KCNC4: variants seen among roughly 807,000 people sequenced by gnomAD.
KCNC4 encodes the protein potassium voltage-gated channel subfamily C member 4, also known as voltage-gated potassium channel KCNC4.
In KCNC4, 23 loss-of-function variants were observed where a neutral mutation model predicts 42.8. The observed-to-expected ratio is 0.54, with a 90% confidence interval of 0.39 to 0.76. The LOEUF (loss-of-function observed/expected upper bound fraction) is 0.76. KCNC4 is among the 30% of genes least tolerant of loss of function. The pLI is 0.00. For synonymous variants in KCNC4, 422 were observed against 393.5 expected (o/e 1.07, Z -0.86); for missense variants, 751 against 898.2 (o/e 0.84, Z 2.10).
At chr1:110,274,200 T>G (rs3904625) in intron 1 of KCNC4, among the ~76,000 whole-genome samples, 82,834 of 151,844 alleles carry the variant, frequency 0.55, 22,918 homozygotes, top group Admixed American at 0.62. Flanking sequence ...CCAATAAAAC[T>G]CAAGCTGAGA....
Position 110,211,399 on chromosome 1 carries a change from T to TCCTCTTCGTCTCCTCCCC in KCNC4, c.-99_-82dup. 6.8e-7 allele frequency: 1 copy of TCCTCTTCGTCTCCTCCCC among 1,467,412 alleles called. No individual in the cohort carries two copies. Among genetic ancestry groups the TCCTCTTCGTCTCCTCCCC allele is most frequent in the Non-Finnish European group, 9.1e-7 (1 of 1,100,718 alleles). 90.9% of individuals were successfully genotyped at this position (1,467,412 alleles called of 1,614,324 possible). ...GAGGGGGCCGCCACCGCCTCCTGCC[T>TCCTCTTCGTCTCCTCCCC]CCTCTTCGTCTCCTCCCCCTCCCCC... On this transcript the variant is annotated 5_prime_UTR_variant, in exon 1 of 4. Coordinates refer to ENST00000438661, the MANE Select transcript of KCNC4 (RefSeq NM_001039574.3). The surrounding 1 kb of genome is among the most constrained non-coding windows in gnomAD (Gnocchi z 6.5).
At chr1:110,225,109 C>T (rs1375899558) in intron 2 of KCNC4, 1 of 152,250 alleles carries the variant, frequency 6.6e-6, no homozygotes, top group African/African-American at 2.4e-5. Context: ...TTCAGCTGCA[C>T]TCTGAGGCCC....
chr1:110,230,455 G>A (rs1658635218), intron 3 of KCNC4, among the ~76,000 whole-genome samples: 1 of 152,196 alleles, frequency 6.6e-6, no homozygotes, highest in Admixed American at 6.5e-5. Flanking sequence ...TCACAGGGAT[G>A]CCACCACTGT....
chr1:110,216,413 G>T (rs1226721600), intron 1 of KCNC4, among the ~76,000 whole-genome samples: 3 of 152,196 alleles, frequency 2.0e-5, no homozygotes, highest in Non-Finnish European at 4.4e-5. Context: ...AAGGCTGCAG[G>T]ACTCCCTGCA....
At chr1:110,226,229 C>A in intron 3 of KCNC4, 51 bp downstream of exon 3, 1 of 1,544,540 alleles carries the variant, frequency 6.5e-7, no homozygotes, top group Non-Finnish European at 8.9e-7. Context: ...AGCTGAGTCT[C>A]CCGAGTCCCC....
At chr1:110,221,770 G>A (rs1475801928) in intron 1 of KCNC4, 1 of 152,194 alleles carries the variant, frequency 6.6e-6, no homozygotes, top group African/African-American at 2.4e-5. Flanking sequence ...TTTAGGCTCA[G>A]CCGTCTGGTC....
intron 1 of KCNC4, among the ~76,000 whole-genome samples, chr1:110,279,039 C>T (rs1474586414): frequency 6.6e-6 from 1 of 152,182 alleles, no homozygotes; most frequent in Non-Finnish European, 1.5e-5. Context: ...CATCACTCCA[C>T]CCACCAGGCT....
At chr1:110,235,490 T>C (rs1192008988), downstream of KCNC4, 1 of 152,172 alleles carries the variant, frequency 6.6e-6, no homozygotes, top group African/African-American at 2.4e-5. Context: ...TGTGGAACCA[T>C]TTCATGGTCA....
chr1:110,224,726 T>A (rs2784146), intron 2 of KCNC4: 60,992 of 152,088 alleles, frequency 0.4, 12,493 homozygotes, highest in Non-Finnish European at 0.44. Context: ...AATGGAAAAC[T>A]GCTTAATCCC....
At position 110,233,229 on chromosome 1, in the gene KCNC4, G is replaced by T; in HGVS notation, c.*257G>T. On this transcript the variant is annotated 3_prime_UTR_variant, in exon 4 of 4. Transcript: ENST00000438661. ...TACATATTATACTCTTGTGTGTAGT[G>T]CACGTGCTATTGGTGGTTTGTCTTC... is the stretch of plus-strand genomic sequence containing the variant. 1.7e-6 allele frequency: 1 copy of T among 579,412 alleles called. No individual in the cohort carries two copies. Among genetic ancestry groups the T allele is most frequent in the Non-Finnish European group, 3.1e-6 (1 of 326,954 alleles). The allele number at this position is 579,412 out of a possible 1,614,324, so 35.9% of individuals were successfully genotyped here.
At position 110,280,664 on chromosome 1, in the gene KCNC4, A is replaced by C. The variant is rs140549723; in HGVS notation, n.31-1870A>C. Among the ~76,000 whole-genome samples, 10 of 152,282 alleles carry C rather than the reference A, an allele frequency of 6.6e-5. No homozygotes were observed. In the East Asian group the frequency reaches 1.9e-3, roughly 29 times the overall value. Reference sequence around the variant, plus strand: ...AGATTTAGCAAATTACAGGATGGCCAGGTAACTTTGCAATTCAAATAACAA... The same window carrying C: ...AGATTTAGCAAATTACAGGATGGCCCGGTAACTTTGCAATTCAAATAACAA... On this transcript the variant is annotated intron_variant and non_coding_transcript_variant, in intron 1 of 2. Coordinates refer to the KCNC4 transcript ENST00000412512.
chr1:110,251,721 G>A (rs1254701499), downstream of KCNC4, among the ~76,000 whole-genome samples: 1 of 152,216 alleles, frequency 6.6e-6, no homozygotes, highest in Non-Finnish European at 1.5e-5. Flanking sequence ...GTGTTAAGCT[G>A]ACAACATTAA....
intron 1 of KCNC4, among the ~76,000 whole-genome samples, chr1:110,255,173 G>C (rs969512134): frequency 1.3e-5 from 2 of 152,216 alleles, no homozygotes; most frequent in Admixed American, 1.3e-4. Context: ...GAGCAGAGTA[G>C]GTGCTTAATA....
chr1:110,226,325 T>A, intron 3 of KCNC4, 147 bp downstream of exon 3: 1 of 681,504 alleles, frequency 1.5e-6, no homozygotes. Context: ...TTAGAATGGG[T>A]ACCTGATCTC....
chr1:110,212,883 C>T (rs924255397), intron 1 of KCNC4, among the ~76,000 whole-genome samples: 2 of 152,136 alleles, frequency 1.3e-5, no homozygotes, highest in Non-Finnish European at 2.9e-5. Flanking sequence ...AAGGGCCTAG[C>T]GTTCTAGGCT....
intron 1 of KCNC4, among the ~76,000 whole-genome samples, chr1:110,271,571 C>G: frequency 6.6e-6 from 1 of 152,320 alleles, no homozygotes; most frequent in Middle Eastern, 3.4e-3. Flanking sequence ...TCCCAAATAC[C>G]TGCACTTGTG....
chr1:110,230,626 G>T (rs755177698), intron 3 of KCNC4, among the ~76,000 whole-genome samples: 1 of 152,196 alleles, frequency 6.6e-6, no homozygotes, highest in Non-Finnish European at 1.5e-5. Context: ...CCTACGGTGG[G>T]CACAGATGTC....
intron 1 of KCNC4, among the ~76,000 whole-genome samples, chr1:110,271,555 T>A (rs942042131): frequency 3.3e-5 from 5 of 152,232 alleles, no homozygotes; most frequent in African/African-American, 1.2e-4. Flanking sequence ...GACTGGTTTA[T>A]TCCTATCCCA....
rs760304938 is a variant in KCNC4 at position 110,233,008 on chromosome 1, A to G, written c.*36A>G. 6.3e-7 allele frequency: 1 copy of G among 1,599,470 alleles called. No homozygotes were observed. Among genetic ancestry groups the G allele is most frequent in the East Asian group, 2.3e-5 (1 of 44,344 alleles). On this transcript the variant is annotated 3_prime_UTR_variant, in exon 4 of 4. Coordinates refer to ENST00000438661, the MANE Select transcript of KCNC4 (RefSeq NM_001039574.3). ...ACGTGAGAGAGACAGGCAGACAGACAGAAAGCCAGAGGCTTAGGGAAACTC... is the reference window on the plus strand; with the variant it reads ...ACGTGAGAGAGACAGGCAGACAGACGGAAAGCCAGAGGCTTAGGGAAACTC...
Sources: gnomAD v4.1 joint callset for allele counts (sites outside exome capture counted in the v4.1 genomes callset) on GRCh38, gnomAD v4.1.1 for gene constraint, Gnocchi (gnomAD v3.1) non-coding constraint, MANE v1.5 for transcripts, NCBI Gene and HGNC (gene_info 2026-07-23, HGNC 2026-07-21) for gene names.